HUWE1: variants seen among roughly 807,000 people sequenced by gnomAD.
HUWE1 encodes the protein HECT, UBA and WWE domain containing E3 ubiquitin protein ligase 1, also known as E3 ubiquitin-protein ligase HUWE1.
A neutral mutation model predicts 299.4 loss-of-function variants in HUWE1; 18 were observed. The observed-to-expected ratio is 0.06, with a 90% confidence interval of 0.04 to 0.09. The LOEUF is 0.09. HUWE1 is among the 10% of genes least tolerant of loss of function. The pLI is 1.00. For missense variants in HUWE1, 1,832 were observed against 3,462.3 expected (o/e 0.53, Z 11.82); for synonymous variants, 1,317 against 1,286.1 (o/e 1.02, Z -0.51).
At position 53,648,417 on chromosome X, in the gene HUWE1, T is replaced by C. The variant is rs1308038626; in HGVS notation, c.46-107A>G. ...GCTCACACAGCAATTTTCCTTTTGC[T>C]AGGATTTACTACTTAAGAAAACGAG... On this transcript the variant is annotated intron_variant, in intron 4 of 83. Transcript: ENST00000262854. The C allele has an allele frequency of 8.0e-6, 4 of 501,068 alleles. No homozygotes were observed. In the African/African-American group the frequency reaches 9.5e-5, roughly 12 times the overall value. 41.3% of individuals were successfully genotyped at this position (501,068 alleles called of 1,213,427 possible). A position where few individuals can be genotyped will look rare whatever the true frequency, so the allele number is the denominator to read the frequency against.
intron 39 of HUWE1, among the ~76,000 whole-genome samples, 188 bp from the exon 40 acceptor site, chrX:53,585,376 C>T (rs1159522781): frequency 3.6e-5 from 4 of 112,510 alleles, no homozygotes; most frequent in Non-Finnish European, 7.5e-5. Flanking sequence ...CTCTGCTACA[C>T]GCTTAAAAAC....
chrX:53,574,992 C>A (rs2063029659), intron 46 of HUWE1, among the ~76,000 whole-genome samples, 163 bp downstream of exon 46: 1 of 112,268 alleles, frequency 8.9e-6, no homozygotes, highest in African/African-American at 3.2e-5. Context: ...ATATAGAGAC[C>A]CTTTATTACA....
chrX:53,566,717 T>C (rs2062594156), intron 49 of HUWE1, among the ~76,000 whole-genome samples: 1 of 111,492 alleles, frequency 9.0e-6, no homozygotes, highest in Non-Finnish European at 1.9e-5. Context: ...TGTGATCAAA[T>C]TTAGCATCAC....
chrX:53,622,998 T>C (rs1173085073), intron 19 of HUWE1, among the ~76,000 whole-genome samples: 1 of 111,746 alleles, frequency 8.9e-6, no homozygotes, highest in African/African-American at 3.3e-5. Flanking sequence ...GGGAGGTTGC[T>C]ATGCTAATTT....
intron 81 of HUWE1, among the ~76,000 whole-genome samples, chrX:53,535,028 C>T (rs2060952135): frequency 9.1e-6 from 1 of 109,829 alleles, no homozygotes; most frequent in Non-Finnish European, 1.9e-5. Flanking sequence ...ACTCCACCTC[C>T]CGGGTTCAAG....
intron 72 of HUWE1, 29 bp downstream of exon 72, chrX:53,544,531 C>T (rs782554948): frequency 1.0e-5 from 12 of 1,153,152 alleles, no homozygotes. Context: ...ACCAACCCTT[C>T]CCCTCAACTG....
rs1421580036 is a variant in HUWE1 at position 53,583,328 on chromosome X, A to T, written c.5520+230T>A. 3.6e-5 allele frequency among the ~76,000 whole-genome samples: 4 copies of T among 109,692 alleles called. No homozygotes were observed. In the Admixed American group the frequency reaches 3.9e-4, roughly 11 times the overall value. ...ATTAAAAAAAAAAAAAGAAAAAAAG[A>T]AAAAAAAGAAAACCAGATTGCTGGA... On this transcript the variant is annotated intron_variant, in intron 42 of 83. Transcript: ENST00000262854.
intron 55 of HUWE1, among the ~76,000 whole-genome samples, chrX:53,560,978 G>C (rs1556940514): frequency 8.9e-6 from 1 of 111,917 alleles, no homozygotes; most frequent in African/African-American, 3.2e-5. Flanking sequence ...TTGCTGAATG[G>C]ACAGAGGCTC....
chrX:53,604,703 G>A lies in HUWE1; in HGVS notation c.2628C>T (p.Cys876=), dbSNP rs781888845. ...GGSVLLRELA[C]AGNVADATLS... ...GGGTAGCATCAGCAACATTGCCTGC[G>A]CAAGCCAGTTCTCGCAACAACACTG... The change falls in exon 26 of 84, where the codon TGC becomes TGT. Residue 876 remains cysteine (C), a synonymous_variant. Transcript: ENST00000262854. 45 of 1,210,220 alleles carry A rather than the reference G, an allele frequency of 3.7e-5. No individual in the cohort carries two copies. Among genetic ancestry groups the A allele is most frequent in the Non-Finnish European group, 4.6e-5 (41 of 895,191 alleles).
chrX:53,653,978 T>C (rs1201276321), intron 4 of HUWE1, 85 bp downstream of exon 4: 2 of 658,073 alleles, frequency 3.0e-6, no homozygotes, highest in Admixed American at 2.8e-5. Context: ...TGATGAGATT[T>C]GAAGAGCATG....
At chrX:53,654,499 T>C (rs1157215355) in intron 3 of HUWE1, among the ~76,000 whole-genome samples, 1 of 112,016 alleles carries the variant, frequency 8.9e-6, no homozygotes, top group Non-Finnish European at 1.9e-5. Context: ...ATAACTTCCA[T>C]TTCTAGGAAT....
intron 3 of HUWE1, among the ~76,000 whole-genome samples, chrX:53,659,422 T>G (rs1257311288): frequency 9.1e-6 from 1 of 109,592 alleles, no homozygotes; most frequent in Admixed American, 9.6e-5. Flanking sequence ...TGCATATTAG[T>G]AAGTGAAAGA....
intron 31 of HUWE1, 143 bp downstream of exon 31, chrX:53,594,356 G>C (rs782708453): frequency 2.9e-6 from 2 of 682,969 alleles, no homozygotes; most frequent in Admixed American, 5.7e-5. Flanking sequence ...TTACTTCCCA[G>C]AACACTGAAG....
chrX:53,627,612 G>A, intron 16 of HUWE1, 97 bp from the exon 17 acceptor site: 2 of 771,999 alleles, frequency 2.6e-6, no homozygotes, highest in South Asian at 5.6e-5. Flanking sequence ...AACACTGCAA[G>A]CAGATACACA....
intron 81 of HUWE1, 94 bp downstream of exon 81, chrX:53,535,290 C>A: frequency 1.7e-6 from 1 of 605,775 alleles, no homozygotes; most frequent in South Asian, 2.2e-5. Context: ...GTGGCTCTGT[C>A]ATAGCAGAGG....
At position 53,547,686 on chromosome X, in the gene HUWE1, G is replaced by T; in HGVS notation, c.10623C>A (p.Thr3541=). The T allele has an allele frequency of 8.3e-7, 1 of 1,210,121 alleles. No individual in the cohort carries two copies. Among genetic ancestry groups the T allele is most frequent in the Non-Finnish European group, 1.1e-6 (1 of 894,537 alleles). Residue 3541 remains threonine (T), a synonymous_variant, in exon 68 of 84, where the codon ACC becomes ACA. Transcript: ENST00000262854. ...STTVTTPTTA[T]TTVSISPTTK... ...ATCCACACTTACTTGAAACAGTAGT[G>T]GTAGCAGTCGTGGGGGTAGTCACTG...
chrX:53,586,321 T>C (rs1556973234), intron 39 of HUWE1, among the ~76,000 whole-genome samples, 169 bp downstream of exon 39: 1 of 112,165 alleles, frequency 8.9e-6, no homozygotes. Flanking sequence ...AAAATTTACT[T>C]CCAGAGTAAA....
At chrX:53,574,004 G>A (rs781826131) in intron 46 of HUWE1, 40 bp from the exon 47 acceptor site, 2 of 1,088,182 alleles carry the variant, frequency 1.8e-6, no homozygotes, top group Admixed American at 2.2e-5. Context: ...TTCCACACTG[G>A]AACACTGGCA....
Position 53,561,891 on chromosome X carries a change from C to A in HUWE1, c.7372G>T (p.Asp2458Tyr). Residue 2458 changes from aspartate (D) to tyrosine (Y), a missense_variant, in exon 55 of 84, where the codon GAT becomes TAT. This residue lies in a region of HUWE1 where 170 missense variants were observed against 335.8 expected (regional missense o/e 0.51). Coordinates refer to ENST00000262854, the MANE Select transcript of HUWE1 (RefSeq NM_031407.7). ...DDEGEEGDED[D>Y]DDDGSEMELD... ...TCCATCTCAGAGCCATCGTCGTCAT[C>A]GTCTTCATCTCCCTCTTCACCTTCA... is the stretch of plus-strand genomic sequence containing the variant. 8.3e-7 allele frequency: 1 copy of A among 1,211,209 alleles called. No individual in the cohort carries two copies. Among genetic ancestry groups the A allele is most frequent in the Non-Finnish European group, 1.1e-6 (1 of 895,147 alleles).
Sources: gnomAD v4.1 joint callset for allele counts (sites outside exome capture counted in the v4.1 genomes callset) on GRCh38, gnomAD v4.1.1 for gene constraint, gnomAD v4.1.1 regional missense constraint, MANE v1.5 for transcripts, NCBI Gene and HGNC (gene_info 2026-07-23, HGNC 2026-07-21) for gene names.